The following AR variants were observed in gnomAD, a reference collection of about 807,000 sequenced individuals.
AR encodes the protein dihydrotestosterone receptor.
Under a neutral mutation model 53.9 loss-of-function variants are expected in AR, and 8 were observed. That is an observed-to-expected ratio of 0.15 (90% CI 0.09 to 0.27). AR has a LOEUF of 0.27. Among genes scored for constraint, AR ranks in the 10% least tolerant of loss-of-function variants. The pLI is 1.00. For missense variants in AR, 639 were observed against 742.5 expected, an observed-to-expected ratio of 0.86 and a Z score of 1.62; for synonymous variants, 359 against 316.4, an observed-to-expected ratio of 1.13 and a Z score of -1.43.
chrX:67,643,248 C>T lies in AR; in HGVS notation c.1617-8C>T, dbSNP rs1925879727. The stretch of plus-strand genomic sequence containing the variant: ...CATGTGTTGCATTGGTTTTTTGTGT[C>T]TTTCCAGTTTGGAGACTGCCAGGGA... On this transcript the variant is annotated splice_polypyrimidine_tract_variant and splice_region_variant and intron_variant, in intron 1 of 7. Transcript: ENST00000374690. 3 of 1,209,784 alleles carry T rather than the reference C, an allele frequency of 2.5e-6. No individual in the cohort carries two copies. In the Admixed American group the frequency reaches 6.6e-5, roughly 26 times the overall value.
chrX:67,615,804 A>G (rs1270361621), intron 1 of AR, among the ~76,000 whole-genome samples: 2 of 111,873 alleles, frequency 1.8e-5, no homozygotes, highest in Non-Finnish European at 1.9e-5. Flanking sequence ...GGTAAATTGA[A>G]TTTACAGAAA....
At chrX:67,701,780 A>T (rs1421486321) in intron 3 of AR, among the ~76,000 whole-genome samples, 1 of 111,919 alleles carries the variant, frequency 8.9e-6, no homozygotes, top group Non-Finnish European at 1.9e-5. Flanking sequence ...ATTGGATAAG[A>T]TAATTTCTAA....
intron 1 of AR, among the ~76,000 whole-genome samples, chrX:67,619,193 A>G (rs1234220169): frequency 9.0e-6 from 1 of 111,452 alleles, no homozygotes; most frequent in African/African-American, 3.3e-5. Flanking sequence ...GAGAGGAGCC[A>G]CAGAAGCAGA....
chrX:67,594,852 G>C (rs769449530), intron 1 of AR, among the ~76,000 whole-genome samples: 22 of 111,698 alleles, frequency 2.0e-4, no homozygotes, highest in Non-Finnish European at 3.8e-4. Flanking sequence ...AGGAGGCTGA[G>C]GTGGGAGGAT....
intron 1 of AR, among the ~76,000 whole-genome samples, chrX:67,601,696 A>C (rs1260847138): frequency 8.9e-6 from 1 of 112,419 alleles, no homozygotes; most frequent in Non-Finnish European, 1.9e-5. Flanking sequence ...TAATCTCTTC[A>C]TAGGTTTCAT....
chrX:67,575,935 T>C (rs1388010979), intron 1 of AR, among the ~76,000 whole-genome samples: 1 of 111,318 alleles, frequency 9.0e-6, no homozygotes, highest in Non-Finnish European at 1.9e-5. Flanking sequence ...AAGTTTCACA[T>C]GAAAAAGACA....
chrX:67,555,570 A>T (rs1244126102), intron 1 of AR, among the ~76,000 whole-genome samples: 2 of 112,277 alleles, frequency 1.8e-5, no homozygotes, highest in African/African-American at 6.5e-5. Context: ...TTGACATAAG[A>T]GTTGTTTTCC....
intron 3 of AR, chrX:67,694,931 C>T (rs193007457): frequency 3.0e-4 from 305 of 1,029,883 alleles, no homozygotes; most frequent in Middle Eastern, 1.2e-3. Flanking sequence ...GTTGTGAGGA[C>T]GGGCTGTAGA....
At chrX:67,602,911 A>G (rs991539840) in intron 1 of AR, among the ~76,000 whole-genome samples, 5 of 112,198 alleles carry the variant, frequency 4.5e-5, no homozygotes, top group Non-Finnish European at 7.5e-5. Flanking sequence ...AAGGCAAGGC[A>G]TTTATCCTCT....
intron 2 of AR, among the ~76,000 whole-genome samples, chrX:67,651,264 G>A (rs940205262): frequency 9.3e-6 from 1 of 106,962 alleles, no homozygotes; most frequent in African/African-American, 3.4e-5. Flanking sequence ...GGCCAGGCTG[G>A]TCTCGAACTC....
At chrX:67,687,874 T>C (rs765697130) in intron 3 of AR, among the ~76,000 whole-genome samples, 78 of 112,268 alleles carry the variant, frequency 6.9e-4, no homozygotes, top group Admixed American at 1.3e-3. Flanking sequence ...TAACATTAAT[T>C]CCATGTCTCA....
Position 67,727,541 on chromosome X carries a change from T to A in AR, c.*3700T>A. 5.8e-6 allele frequency: 1 copy of A among 173,570 alleles called. No homozygotes were observed. The highest frequency in any genetic ancestry group is 1.1e-5 in the Non-Finnish European group (1 of 90,207). The allele number at this position is 173,570 out of a possible 1,213,427, so 14.3% of individuals were successfully genotyped here. ...AGCTAACATTGAGCTTCAAGTAGCT[T>A]CTAAGTGTTTGTTTCATTAGGCACA... On this transcript the variant is annotated 3_prime_UTR_variant, in exon 8 of 8. Transcript: ENST00000374690.
At chrX:67,565,573 A>G (rs1474893853) in intron 1 of AR, among the ~76,000 whole-genome samples, 1 of 111,847 alleles carries the variant, frequency 8.9e-6, no homozygotes, top group African/African-American at 3.3e-5. Flanking sequence ...ACTCTTCAAA[A>G]TCAACTTGGA....
rs1344785740 is a variant in AR, at chrX:67,662,848, T to C, written c.1768+19441T>C. On this transcript the variant is annotated intron_variant, in intron 2 of 7. Transcript: ENST00000374690. ...ATATATTTAGGATAGTTAGCTCTTC[T>C]TGTTGAATTGATCCCTTTACCATTA... Among the ~76,000 whole-genome samples the C allele has an allele frequency of 2.1e-4, 24 of 111,733 alleles. No homozygotes were observed. The Admixed American group carries it at 2.3e-3, about 11-fold the overall frequency.
At chrX:67,701,249 C>G (rs1416431161) in intron 3 of AR, among the ~76,000 whole-genome samples, 1 of 111,437 alleles carries the variant, frequency 9.0e-6, no homozygotes, top group Non-Finnish European at 1.9e-5. Context: ...TTAAACTAAA[C>G]TTACGTAGCC....
At chrX:67,659,340 T>C (rs1986807744) in intron 2 of AR, among the ~76,000 whole-genome samples, 1 of 110,669 alleles carries the variant, frequency 9.0e-6, no homozygotes, top group African/African-American at 3.3e-5. Flanking sequence ...TAACATTAGG[T>C]ATATCTCCTA....
intron 2 of AR, among the ~76,000 whole-genome samples, chrX:67,652,109 C>T (rs894867616): frequency 1.8e-5 from 2 of 111,879 alleles, no homozygotes; most frequent in African/African-American, 6.5e-5. Flanking sequence ...AATCCACTTC[C>T]CTCCTCCTCA....
chrX:67,721,748 C>A (rs186349231), intron 5 of AR, 85 bp from the exon 6 acceptor site: 3 of 1,155,083 alleles, frequency 2.6e-6, no homozygotes, highest in Non-Finnish European at 3.5e-6. Flanking sequence ...GAAAACCTGG[C>A]GAGGGATGGC....
intron 2 of AR, among the ~76,000 whole-genome samples, chrX:67,671,184 T>C (rs2075863129): frequency 8.9e-6 from 1 of 112,263 alleles, no homozygotes. Flanking sequence ...CCACACTGTC[T>C]TCCACAATGG....
Sources: allele counts gnomAD v4.1 joint callset (sites outside exome capture counted in the v4.1 genomes callset), GRCh38; gene constraint gnomAD v4.1.1; transcripts MANE v1.5; gene names NCBI Gene and HGNC (gene_info 2026-07-23, HGNC 2026-07-21).